DNAH11: variants seen among roughly 807,000 people sequenced by gnomAD.
The protein encoded by DNAH11 is axonemal beta dynein heavy chain 11.
A neutral mutation model predicts 526.0 loss-of-function variants in DNAH11; 442 were observed. The ratio of observed to expected loss-of-function variants is 0.84; its 90% CI spans 0.78 to 0.91. DNAH11 has a LOEUF of 0.91. DNAH11 is among the 40% of genes least tolerant of loss of function. The pLI is 0.00. For synonymous variants in DNAH11, 2,461 were observed against 1,935.9 expected, an observed-to-expected ratio of 1.27 and a Z score of -7.12; for missense variants, 6,989 against 5,448.7, an observed-to-expected ratio of 1.28 and a Z score of -8.90.
At chr7:21,653,123 G>A (rs764795996) in intron 28 of DNAH11, among the ~76,000 whole-genome samples, 9 of 152,102 alleles carry the variant, frequency 5.9e-5, no homozygotes, top group African/African-American at 1.7e-4. Flanking sequence ...TGATCCACCC[G>A]CCTTGGCCTC....
At chr7:21,861,324 G>A (rs1027958986) in intron 68 of DNAH11, among the ~76,000 whole-genome samples, 6 of 152,198 alleles carry the variant, frequency 3.9e-5, no homozygotes, top group Admixed American at 6.5e-5. Context: ...ATCACATTGT[G>A]TTGTACTTTT....
chr7:21,687,441 G>A lies in DNAH11; in HGVS notation c.5838G>A (p.Glu1946=), dbSNP rs1404964662. 6.2e-7 allele frequency: 1 copy of A among 1,614,008 alleles called. No homozygotes were observed. Among genetic ancestry groups the A allele is most frequent in the Non-Finnish European group, 8.5e-7 (1 of 1,179,944 alleles). ...CAGGAGCTTGGGGCTGCTTTGATGA[G>A]TTCAACCGAATCTCTGTGGAAGTTC... The part of the protein sequence containing the change: ...VQTGAWGCFD[E]FNRISVEVLS... Residue 1946 remains glutamate, a synonymous_variant, in exon 34 of 82, where the codon GAG becomes GAA. Coordinates refer to ENST00000409508, the MANE Select transcript of DNAH11 (RefSeq NM_001277115.2).
intron 68 of DNAH11, among the ~76,000 whole-genome samples, chr7:21,861,345 G>A (rs757887386): frequency 2.6e-5 from 4 of 152,244 alleles, no homozygotes; most frequent in South Asian, 2.1e-4. Flanking sequence ...GTAATCTTAC[G>A]TGAAGAGAAT....
At chr7:21,634,319 T>G (rs1345186415) in intron 25 of DNAH11, among the ~76,000 whole-genome samples, 1 of 152,048 alleles carries the variant, frequency 6.6e-6, no homozygotes, top group African/African-American at 2.4e-5. Context: ...CAGCTGAGAA[T>G]AGAGCATTGG....
intron 67 of DNAH11, 48 bp from the exon 68 acceptor site, chr7:21,854,267 G>T (rs767718886): frequency 1.3e-6 from 2 of 1,598,224 alleles, no homozygotes; most frequent in Admixed American, 1.7e-5. Context: ...TATGCGTAGA[G>T]AATATGAAGA....
intron 54 of DNAH11, among the ~76,000 whole-genome samples, chr7:21,751,108 G>T (rs1165792385): frequency 1.3e-5 from 2 of 152,132 alleles, no homozygotes; most frequent in African/African-American, 4.8e-5. Flanking sequence ...TGGATCACCT[G>T]AGGTCAGGAG....
chr7:21,639,146 C>CCTGTCATGT, intron 28 of DNAH11, 81 bp downstream of exon 28: 3 of 1,451,514 alleles, frequency 2.1e-6, no homozygotes, highest in Non-Finnish European at 2.7e-6. Flanking sequence ...TCAAATGCTA[C>CCTGTCATGT]CTGTCATGTC....
chr7:21,820,562 A>G (rs571875171), intron 65 of DNAH11, among the ~76,000 whole-genome samples: 1 of 152,290 alleles, frequency 6.6e-6, no homozygotes, highest in East Asian at 1.9e-4. Context: ...GGGAACTGCA[A>G]ATAGAATCCA....
intron 25 of DNAH11, among the ~76,000 whole-genome samples, chr7:21,634,758 C>G (rs534364558): frequency 1.1e-3 from 171 of 152,076 alleles, no homozygotes; most frequent in African/African-American, 4.0e-3. Context: ...ACCAAACTCC[C>G]ATAACATGCA....
chr7:21,808,012 T>A lies in DNAH11; in HGVS notation c.10295T>A (p.Leu3432Gln). 1 of 1,581,318 alleles carries A rather than the reference T, an allele frequency of 6.3e-7. No homozygotes were observed. The highest frequency in any genetic ancestry group is 8.6e-7 in the Non-Finnish European group (1 of 1,157,984). Residue 3432 changes from leucine (L) to glutamine (Q), a missense_variant, in exon 63 of 82, where the codon CTG (leucine) becomes CAG (glutamine). Leu to Gln is a moderately radical substitution (Grantham distance 113). Transcript: ENST00000409508. Reference sequence around the variant, plus strand: ...TTCACAAGGCAGTATCGCCAGGAGCTGGTGCACTGCAAGTGGGTTCCCTTT... The same window carrying A: ...TTCACAAGGCAGTATCGCCAGGAGCAGGTGCACTGCAAGTGGGTTCCCTTT... ...GPFTRQYRQELVHCKWVPFLQ... is the reference protein window; with the variant it reads ...GPFTRQYRQEQVHCKWVPFLQ...
intron 57 of DNAH11, among the ~76,000 whole-genome samples, chr7:21,780,613 G>C (rs1787901961): frequency 6.6e-6 from 1 of 152,044 alleles, no homozygotes; most frequent in Non-Finnish European, 1.5e-5. Flanking sequence ...AATTCCCAAG[G>C]AAAAATTACC....
chr7:21,687,593 C>A, intron 34 of DNAH11, 66 bp downstream of exon 34: 1 of 1,535,952 alleles, frequency 6.5e-7, no homozygotes, highest in East Asian at 2.3e-5. Context: ...GGTAACCTCC[C>A]CTTCACTGTC....
At chr7:21,677,001 G>A (rs147300743) in intron 30 of DNAH11, among the ~76,000 whole-genome samples, 1 of 152,210 alleles carries the variant, frequency 6.6e-6, no homozygotes, top group South Asian at 2.1e-4. Context: ...TCTGGGAAAA[G>A]GCATCGAATA....
At chr7:21,807,114 T>A (rs1288807380) in intron 62 of DNAH11, among the ~76,000 whole-genome samples, 1 of 152,222 alleles carries the variant, frequency 6.6e-6, no homozygotes, top group Non-Finnish European at 1.5e-5. Context: ...ATCAGACCAT[T>A]GCCAGCATGT....
chr7:21,590,261 C>A (rs891611945), intron 12 of DNAH11, among the ~76,000 whole-genome samples: 1 of 152,090 alleles, frequency 6.6e-6, no homozygotes, highest in Admixed American at 6.5e-5. Context: ...ATATTTTAAA[C>A]AAACGATCTC....
At chr7:21,767,119 T>G (rs1444878596) in intron 55 of DNAH11, among the ~76,000 whole-genome samples, 2 of 152,348 alleles carry the variant, frequency 1.3e-5, no homozygotes, top group East Asian at 3.9e-4. Context: ...GCTGCATTTC[T>G]GGAATTTTCT....
At chr7:21,674,861 A>G (rs867315398) in intron 30 of DNAH11, among the ~76,000 whole-genome samples, 1 of 152,110 alleles carries the variant, frequency 6.6e-6, no homozygotes, top group South Asian at 2.1e-4. Context: ...ACTGCAGAAA[A>G]AAAAAAGAAC....
At chr7:21,788,113 T>G (rs1328876448) in intron 60 of DNAH11, among the ~76,000 whole-genome samples, 1 of 152,218 alleles carries the variant, frequency 6.6e-6, no homozygotes, top group Non-Finnish European at 1.5e-5. Context: ...ATGTAGTCAT[T>G]TATTTATCAA....
intron 54 of DNAH11, among the ~76,000 whole-genome samples, chr7:21,761,369 A>C (rs1409647738): frequency 6.6e-6 from 1 of 152,206 alleles, no homozygotes; most frequent in African/African-American, 2.4e-5. Context: ...GGTTTAGCTG[A>C]TAGAATTTAG....
Sources: allele counts gnomAD v4.1 joint callset (sites outside exome capture counted in the v4.1 genomes callset), GRCh38; gene constraint gnomAD v4.1.1; transcripts MANE v1.5; gene names NCBI Gene and HGNC (gene_info 2026-07-23, HGNC 2026-07-21).